The following KCNB2 variants were observed in gnomAD, a reference collection of about 807,000 sequenced individuals.
KCNB2 encodes delayed rectifier potassium channel protein.
In KCNB2, 15 loss-of-function variants were observed where a neutral mutation model predicts 61.5. The ratio of observed to expected loss-of-function variants is 0.24; its 90% CI spans 0.16 to 0.38. The LOEUF (loss-of-function observed/expected upper bound fraction) is 0.38. KCNB2 is among the 10% of genes least tolerant of loss of function. The pLI is 1.00. For missense variants in KCNB2, 828 were observed against 1,125.2 expected (o/e 0.74, Z 3.78); for synonymous variants, 457 against 446.0 (o/e 1.02, Z -0.31).
intron 2 of KCNB2, among the ~76,000 whole-genome samples, chr8:72,865,977 TGTATCCCAGCTCC>T (rs536475028): frequency 6.3e-4 from 96 of 152,342 alleles, no homozygotes; most frequent in African/African-American, 2.2e-3. Flanking sequence ...GAGGCCGTGA[TGTATCCCAGCTCC>T]TGGCACAAGA....
chr8:72,786,519 G>A (rs1486326708), intron 2 of KCNB2, among the ~76,000 whole-genome samples: 1 of 152,142 alleles, frequency 6.6e-6, no homozygotes, highest in African/African-American at 2.4e-5. Flanking sequence ...TTCTGGAACT[G>A]CAGGATTTTC....
intron 2 of KCNB2, among the ~76,000 whole-genome samples, chr8:72,861,639 G>T (rs762436530): frequency 1.1e-4 from 16 of 152,170 alleles, no homozygotes; most frequent in Non-Finnish European, 2.1e-4. Context: ...CACCCAGCCT[G>T]CCTGCAGCAG....
chr8:72,545,620 A>G lies in KCNB2; in HGVS notation c.-94+7735A>G, dbSNP rs56662318. ...GGGCCTCCCTGTTCCCTGAGACACA[A>G]CAATATTGAAAATAGGCCAATTAAT... On this transcript the variant is annotated intron_variant, in intron 1 of 2. Transcript: ENST00000523207. Among the ~76,000 whole-genome samples, 200 of 152,164 alleles carry G rather than the reference A, an allele frequency of 1.3e-3. 1 individual carries two copies. The East Asian group carries it at 0.037, about 28-fold the overall frequency.
chr8:72,874,336 T>C (rs2129004977), intron 2 of KCNB2, among the ~76,000 whole-genome samples: 1 of 152,304 alleles, frequency 6.6e-6, no homozygotes, highest in East Asian at 1.9e-4. Flanking sequence ...CGGCTTTATT[T>C]TACTCCAGCC....
At chr8:72,922,301 A>G (rs952348573) in intron 2 of KCNB2, among the ~76,000 whole-genome samples, 3 of 152,192 alleles carry the variant, frequency 2.0e-5, no homozygotes, top group Non-Finnish European at 4.4e-5. Context: ...TGACCTCATC[A>G]TAACTAATGA....
intron 2 of KCNB2, among the ~76,000 whole-genome samples, chr8:72,584,499 C>G (rs191431242): frequency 8.0e-4 from 122 of 152,164 alleles, no homozygotes; most frequent in African/African-American, 2.7e-3. Flanking sequence ...AAAAAAAACT[C>G]TTACCTTTTA....
intron 2 of KCNB2, among the ~76,000 whole-genome samples, chr8:72,640,897 T>C (rs972817052): frequency 6.6e-6 from 1 of 152,038 alleles, no homozygotes; most frequent in African/African-American, 2.4e-5. Context: ...ACGAAAATGG[T>C]ATAAAAGTAA....
intron 2 of KCNB2, among the ~76,000 whole-genome samples, chr8:72,931,254 T>G (rs1806777831): frequency 1.3e-5 from 2 of 152,208 alleles, no homozygotes; most frequent in African/African-American, 4.8e-5. Flanking sequence ...TTTGTTCTTT[T>G]GGCTTAGGAT....
chr8:72,542,843 G>T (rs1304849149), intron 1 of KCNB2, among the ~76,000 whole-genome samples: 1 of 152,126 alleles, frequency 6.6e-6, no homozygotes, highest in African/African-American at 2.4e-5. Context: ...CATCCTAAAG[G>T]TATCTACTCA....
chr8:72,564,443 A>G (rs942157544), intron 1 of KCNB2, among the ~76,000 whole-genome samples: 68 of 152,190 alleles, frequency 4.5e-4, no homozygotes, highest in Admixed American at 8.5e-4. Context: ...TTTTATTTGT[A>G]TTCAAATTCA....
At chr8:72,565,930 C>T (rs1464107772) in intron 1 of KCNB2, among the ~76,000 whole-genome samples, 1 of 152,066 alleles carries the variant, frequency 6.6e-6, no homozygotes, top group Non-Finnish European at 1.5e-5. Flanking sequence ...CTCAAGAGTT[C>T]CCAGCATACT....
chr8:72,923,760 G>A (rs1806578600), intron 2 of KCNB2, among the ~76,000 whole-genome samples: 1 of 152,068 alleles, frequency 6.6e-6, no homozygotes, highest in South Asian at 2.1e-4. Context: ...AAGAAAGGAG[G>A]CACTAATGTC....
intron 2 of KCNB2, among the ~76,000 whole-genome samples, chr8:72,665,556 T>A (rs1806454164): frequency 8.0e-6 from 1 of 125,216 alleles, no homozygotes; most frequent in East Asian, 5.9e-4. Context: ...AGGTGTATCA[T>A]CAGGGTATTT....
chr8:72,847,350 T>C (rs923929299), intron 2 of KCNB2, among the ~76,000 whole-genome samples: 1 of 152,184 alleles, frequency 6.6e-6, no homozygotes, highest in Non-Finnish European at 1.5e-5. Context: ...CCTTGTGGTC[T>C]TCCCATCTCC....
chr8:72,746,738 C>G (rs1808077730), intron 2 of KCNB2, among the ~76,000 whole-genome samples: 1 of 152,150 alleles, frequency 6.6e-6, no homozygotes, highest in African/African-American at 2.4e-5. Flanking sequence ...CTGCACTGAC[C>G]TGAAGAACTC....
At chr8:72,693,634 A>G (rs558273903) in intron 2 of KCNB2, among the ~76,000 whole-genome samples, 12 of 152,160 alleles carry the variant, frequency 7.9e-5, no homozygotes, top group Non-Finnish European at 1.6e-4. Flanking sequence ...TATTCCAGAA[A>G]TATTCTCAGA....
intron 2 of KCNB2, among the ~76,000 whole-genome samples, chr8:72,814,766 A>G (rs984482288): frequency 1.3e-5 from 2 of 152,196 alleles, no homozygotes; most frequent in Non-Finnish European, 2.9e-5. Flanking sequence ...TAATATTGCT[A>G]CTTTATTCTG....
chr8:72,910,530 G>A (rs1485675457), intron 2 of KCNB2, among the ~76,000 whole-genome samples: 1 of 152,146 alleles, frequency 6.6e-6, no homozygotes, highest in African/African-American at 2.4e-5. Context: ...AAAATGAAGA[G>A]AGTGCCATAG....
intron 2 of KCNB2, among the ~76,000 whole-genome samples, chr8:72,802,829 A>G (rs1809153990): frequency 6.6e-6 from 1 of 152,188 alleles, no homozygotes; most frequent in African/African-American, 2.4e-5. Context: ...GATAAGCAAT[A>G]ATGACCTAAT....
Sources: gnomAD v4.1 joint callset for allele counts (sites outside exome capture counted in the v4.1 genomes callset) on GRCh38, gnomAD v4.1.1 for gene constraint, MANE v1.5 for transcripts, NCBI Gene and HGNC (gene_info 2026-07-23, HGNC 2026-07-21) for gene names.